GABRG2: variants seen among roughly 807,000 people sequenced by gnomAD.
The protein encoded by GABRG2 is gamma-aminobutyric acid type A receptor subunit gamma2, also known as gamma-aminobutyric acid receptor subunit gamma-2.
GABRG2 carries 16 observed loss-of-function variants against 56.4 expected under a neutral mutation model. The observed-to-expected ratio is 0.28, with a 90% CI of 0.19 to 0.43. GABRG2 has a LOEUF of 0.43. GABRG2 is among the 20% of genes least tolerant of loss of function. GABRG2 has a pLI of 1.00. For missense variants in GABRG2, 327 were observed against 582.7 expected, an observed-to-expected ratio of 0.56 and a Z score of 4.52; for synonymous variants, 208 against 205.5, an observed-to-expected ratio of 1.01 and a Z score of -0.10.
At chr5:162,067,642 G>A (rs535933351), upstream of GABRG2, 14 of 542,896 alleles carry the variant, frequency 2.6e-5, no homozygotes, top group East Asian at 1.7e-4. Flanking sequence ...GGGAGAACGC[G>A]TAAGTGTGAG....
intron 7 of GABRG2, among the ~76,000 whole-genome samples, chr5:162,146,292 GT>G (rs1764943474): frequency 6.6e-6 from 1 of 152,030 alleles, no homozygotes; most frequent in Non-Finnish European, 1.5e-5. Flanking sequence ...GCCTAGGTTT[GT>G]ATCTCATCTC....
intron 6 of GABRG2, among the ~76,000 whole-genome samples, chr5:162,137,697 T>A (rs546630683): frequency 6.6e-6 from 1 of 152,232 alleles, no homozygotes; most frequent in Non-Finnish European, 1.5e-5. Flanking sequence ...GTTAGAGCAC[T>A]CTTTCTTTTT....
At chr5:162,097,548 T>A (rs1428128856) in intron 3 of GABRG2, 90 bp from the exon 4 acceptor site, 2 of 1,042,646 alleles carry the variant, frequency 1.9e-6, no homozygotes, top group East Asian at 2.5e-5. Context: ...TGCTTCATAT[T>A]GGCAAAGAAA....
chr5:162,134,577 C>T (rs2113555068), intron 6 of GABRG2, among the ~76,000 whole-genome samples: 1 of 152,160 alleles, frequency 6.6e-6, no homozygotes, highest in East Asian at 1.9e-4. Flanking sequence ...TGCCTGAAAT[C>T]ACACAATCAG....
At chr5:162,101,584 T>G (rs926261472) in intron 5 of GABRG2, 16 of 444,892 alleles carry the variant, frequency 3.6e-5, no homozygotes, top group African/African-American at 2.6e-4. Context: ...TAGAGCCTTT[T>G]TTTTTTTTGT....
intron 6 of GABRG2, among the ~76,000 whole-genome samples, chr5:162,136,911 C>T (rs1408042545): frequency 1.3e-5 from 2 of 152,118 alleles, no homozygotes; most frequent in African/African-American, 2.4e-5. Flanking sequence ...CCTGACAACT[C>T]CTTGATGGCA....
At chr5:162,071,802 T>G (rs1758693865) in intron 1 of GABRG2, among the ~76,000 whole-genome samples, 1 of 151,920 alleles carries the variant, frequency 6.6e-6, no homozygotes, top group South Asian at 2.1e-4. Context: ...CTAAATTGCT[T>G]TAGTTGTAGA....
chr5:162,144,518 G>C (rs1169747493), intron 7 of GABRG2, among the ~76,000 whole-genome samples: 1 of 152,176 alleles, frequency 6.6e-6, no homozygotes, highest in Non-Finnish European at 1.5e-5. Flanking sequence ...CTACTTGTTT[G>C]TAATTTGTAA....
intron 6 of GABRG2, among the ~76,000 whole-genome samples, chr5:162,105,409 CCATCAA>C (rs1761731233): frequency 6.8e-6 from 1 of 147,266 alleles, no homozygotes. Flanking sequence ...AGAAACCTGA[CCATCAA>C]GTATTAGTAG....
chr5:162,080,407 C>A (rs934615726), intron 1 of GABRG2, among the ~76,000 whole-genome samples: 1 of 152,040 alleles, frequency 6.6e-6, no homozygotes, highest in African/African-American at 2.4e-5. Flanking sequence ...AGACCATTAT[C>A]ATCATAGGTA....
intron 1 of GABRG2, among the ~76,000 whole-genome samples, chr5:162,086,434 G>A (rs1461967597): frequency 6.6e-6 from 1 of 151,994 alleles, no homozygotes; most frequent in Non-Finnish European, 1.5e-5. Context: ...AACTTGATTA[G>A]TTTGTTTTCT....
Position 162,149,211 on chromosome 5 carries a change from T to C in GABRG2, c.1026T>C (p.Cys342=). Residue 342 remains cysteine (C), a synonymous_variant, in exon 8 of 10, where the codon TGT becomes TGC. Coordinates refer to ENST00000639213, the MANE Select transcript of GABRG2 (RefSeq NM_198904.4). Reference sequence around the variant, plus strand: ...CGATGGATCTCTTTGTATCTGTTTGTTTCATCTTTGTCTTCTCTGCTCTGG... The same window carrying C: ...CGATGGATCTCTTTGTATCTGTTTGCTTCATCTTTGTCTTCTCTGCTCTGG... The part of the protein sequence containing the change: ...VTAMDLFVSV[C]FIFVFSALVE... The C allele has an allele frequency of 1.2e-6, 2 of 1,614,176 alleles. No homozygotes were observed. The highest frequency in any genetic ancestry group is 1.7e-6 in the Non-Finnish European group (2 of 1,180,034).
intron 7 of GABRG2, among the ~76,000 whole-genome samples, chr5:162,143,660 T>A (rs1241936460): frequency 6.6e-6 from 1 of 152,148 alleles, no homozygotes; most frequent in Non-Finnish European, 1.5e-5. Context: ...CCCACAAATA[T>A]GGGTTTGACA....
chr5:162,142,425 T>G, intron 7 of GABRG2, 109 bp downstream of exon 7: 3 of 1,108,308 alleles, frequency 2.7e-6, no homozygotes, highest in South Asian at 1.3e-5. Context: ...TGCAATTGCA[T>G]AGAAATACCA....
intron 1 of GABRG2, among the ~76,000 whole-genome samples, chr5:162,080,431 G>A (rs542373774): frequency 7.2e-5 from 11 of 152,200 alleles, no homozygotes; most frequent in African/African-American, 2.6e-4. Context: ...GCAGGTACAA[G>A]GATCCCCAAA....
intron 6 of GABRG2, among the ~76,000 whole-genome samples, chr5:162,139,662 A>G (rs1182767171): frequency 6.6e-6 from 1 of 152,240 alleles, no homozygotes; most frequent in Non-Finnish European, 1.5e-5. Flanking sequence ...TAAAAGTGCC[A>G]GATCATTAAT....
At chr5:162,111,942 A>G (rs187742504) in intron 6 of GABRG2, among the ~76,000 whole-genome samples, 1 of 152,318 alleles carries the variant, frequency 6.6e-6, no homozygotes, top group African/African-American at 2.4e-5. Flanking sequence ...TAGATACAGC[A>G]AAAGTATAAA....
intron 1 of GABRG2, among the ~76,000 whole-genome samples, chr5:162,086,680 T>C (rs1196878652): frequency 6.6e-6 from 1 of 152,064 alleles, no homozygotes; most frequent in Non-Finnish European, 1.5e-5. Context: ...AAATTTTATG[T>C]AACAGAAGTG....
chr5:162,122,280 G>A lies in GABRG2; in HGVS notation c.769+18254G>A, dbSNP rs868355813. Among the ~76,000 whole-genome samples the A allele has an allele frequency of 3.3e-5, 5 of 152,010 alleles. No homozygotes were observed. In the South Asian group the frequency reaches 1.0e-3, roughly 32 times the overall value. The stretch of plus-strand genomic sequence containing the variant: ...GTTGAATACTTAAACGCAATTCATA[G>A]AACCTATATCCTAATAACTATGAGT... On this transcript the variant is annotated intron_variant, in intron 6 of 9. Coordinates refer to ENST00000639213, the MANE Select transcript of GABRG2 (RefSeq NM_198904.4).
Sources: allele counts gnomAD v4.1 joint callset (sites outside exome capture counted in the v4.1 genomes callset), GRCh38; gene constraint gnomAD v4.1.1; transcripts MANE v1.5; gene names NCBI Gene and HGNC (gene_info 2026-07-23, HGNC 2026-07-21).